The following PPTC7 variants were observed in gnomAD, a reference collection of about 807,000 sequenced individuals.
PPTC7 encodes protein phosphatase targeting COQ7.
A neutral mutation model predicts 30.8 loss-of-function variants in PPTC7; 6 were observed. The observed-to-expected ratio is 0.19, with a 90% CI of 0.11 to 0.38. PPTC7 has a LOEUF of 0.38. PPTC7 is among the 10% of genes least tolerant of loss of function. The pLI, the probability that PPTC7 is intolerant of heterozygous loss-of-function variation, is 1.00. For synonymous variants in PPTC7, 163 were observed against 168.1 expected, an observed-to-expected ratio of 0.97 and a Z score of 0.23; for missense variants, 218 against 404.8, an observed-to-expected ratio of 0.54 and a Z score of 3.96.
At chr12:110,578,604 A>G (rs1471091163) in intron 1 of PPTC7, among the ~76,000 whole-genome samples, 3 of 152,250 alleles carry the variant, frequency 2.0e-5, no homozygotes, top group Non-Finnish European at 4.4e-5. Flanking sequence ...TCTCTTTCTC[A>G]TATAAAAAGA....
intron 1 of PPTC7, among the ~76,000 whole-genome samples, chr12:110,559,875 G>T (rs1593156359): frequency 6.6e-6 from 1 of 152,036 alleles, no homozygotes; most frequent in African/African-American, 2.4e-5. Context: ...TGGGACTACA[G>T]GCATGTGCCA....
At chr12:110,574,986 C>T (rs1421955953) in intron 1 of PPTC7, among the ~76,000 whole-genome samples, 3 of 137,620 alleles carry the variant, frequency 2.2e-5, no homozygotes, top group East Asian at 2.1e-4. Context: ...GATGGGGTTT[C>T]GTCATATTGG....
Position 110,552,765 on chromosome 12 carries a change from G to A in PPTC7, c.224-797C>T, listed in dbSNP as rs2064358239. On this transcript the variant is annotated intron_variant, in intron 1 of 5. Transcript: ENST00000354300. ...TGTAGTCCCAGCTACTTGGGAGGCT[G>A]AGGGAGGAGATTGGTGTGAACCCGC... is the stretch of plus-strand genomic sequence containing the variant. Among the ~76,000 whole-genome samples, 4 of 152,170 alleles carry A rather than the reference G, an allele frequency of 2.6e-5. No homozygotes were observed. The South Asian group carries it at 8.3e-4, about 32-fold the overall frequency.
rs572416590 is a variant in PPTC7 at position 110,534,996 on chromosome 12, A to G, written c.*2041T>C. 8 of 152,784 alleles carry G rather than the reference A, an allele frequency of 5.2e-5. No individual in the cohort carries two copies. The South Asian group carries it at 1.7e-3, about 32-fold the overall frequency. 9.5% of individuals were successfully genotyped at this position (152,784 alleles called of 1,614,324 possible). A position where few individuals can be genotyped will look rare whatever the true frequency, so the allele number is the denominator to read the frequency against. ...CCAAAAATAATTGAAAACCTAAACA[A>G]AAGAGCTGAAGTTGTCAGTCCTAAT... is the stretch of plus-strand genomic sequence containing the variant. On this transcript the variant is annotated 3_prime_UTR_variant, in exon 6 of 6. Transcript: ENST00000354300.
chr12:110,571,026 T>C (rs1188562985), intron 1 of PPTC7, among the ~76,000 whole-genome samples: 1 of 152,278 alleles, frequency 6.6e-6, no homozygotes, highest in Non-Finnish European at 1.5e-5. Flanking sequence ...AACGTGGGGC[T>C]TTTCTCTAGG....
Position 110,567,663 on chromosome 12 carries a change from C to T in PPTC7, c.223+15146G>A, listed in dbSNP as rs142548160. ...CTAGCTCAGACAATTTCAGTAGCTTCGTAACTGGTCTTTTGCCTCCTGTTC... is the reference window on the plus strand; with the variant it reads ...CTAGCTCAGACAATTTCAGTAGCTTTGTAACTGGTCTTTTGCCTCCTGTTC... On this transcript the variant is annotated intron_variant, in intron 1 of 5. Coordinates refer to ENST00000354300, the MANE Select transcript of PPTC7 (RefSeq NM_139283.2). 1.4e-3 allele frequency among the ~76,000 whole-genome samples: 215 copies of T among 152,300 alleles called. 1 individual carries two copies. Among genetic ancestry groups the T allele is most frequent in the African/African-American group, 5.0e-3 (206 of 41,570 alleles).
In PPTC7 at chr12:110,575,526, A is replaced by G. The variant is rs148825865; in HGVS notation, c.223+7283T>C. On this transcript the variant is annotated intron_variant, in intron 1 of 5. Transcript: ENST00000354300. ...ACTCCATTTGGATACTGTTGCAACA[A>G]TTCAGGTTATGTATTGCCCAGTTTC... Among the ~76,000 whole-genome samples the G allele has an allele frequency of 7.7e-5, 11 of 142,530 alleles. No homozygotes were observed. The East Asian group carries it at 2.1e-3, about 27-fold the overall frequency. The allele number at this position is 142,530 out of a possible 152,430, so 93.5% of individuals were successfully genotyped here.
rs1394959601 is a variant in PPTC7, at chr12:110,537,074, G to A, written c.878C>T (p.Thr293Ile). Residue 293 changes from threonine to isoleucine, a missense_variant, in exon 6 of 6, where the codon ACC becomes ATC. Thr to Ile is a moderately conservative substitution (Grantham distance 89). Transcript: ENST00000354300. ...NVRGGKPDDI[T>I]VLLSIVAEYT... ...CTCAGCCACTATTGAAAGAAGGACG[G>A]TGATGTCATCTGGCTTTCCACCTAC... is the stretch of plus-strand genomic sequence containing the variant. 1.9e-6 allele frequency: 3 copies of A among 1,612,638 alleles called. No homozygotes were observed. The highest frequency in any genetic ancestry group is 3.3e-4 in the Middle Eastern group (2 of 6,062).
chr12:110,575,271 G>A (rs1219776869), intron 1 of PPTC7, among the ~76,000 whole-genome samples: 6 of 152,014 alleles, frequency 3.9e-5, no homozygotes, highest in African/African-American at 1.2e-4. Flanking sequence ...AGTTTGAAAA[G>A]TCAAATTTCT....
Position 110,536,469 on chromosome 12 carries a change from G to C in PPTC7, c.*568C>G, listed in dbSNP as rs1164232099. 6.6e-6 allele frequency: 1 copy of C among 152,190 alleles called. No individual in the cohort carries two copies. The highest frequency in any genetic ancestry group is 1.5e-5 in the Non-Finnish European group (1 of 68,030). The allele number at this position is 152,190 out of a possible 1,614,324, so 9.4% of individuals were successfully genotyped here. On this transcript the variant is annotated 3_prime_UTR_variant, in exon 6 of 6. Coordinates refer to ENST00000354300, the MANE Select transcript of PPTC7 (RefSeq NM_139283.2). Reference sequence around the variant, plus strand: ...CAAAAAAGCTTTTGGGATCAAAACTGTATAACCCAGAGCAATGTTTTAGAG... The same window carrying C: ...CAAAAAAGCTTTTGGGATCAAAACTCTATAACCCAGAGCAATGTTTTAGAG...
At chr12:110,558,044 T>C (rs752778641) in intron 1 of PPTC7, among the ~76,000 whole-genome samples, 22 of 152,338 alleles carry the variant, frequency 1.4e-4, no homozygotes, top group Admixed American at 7.2e-4. Flanking sequence ...CAGTGGGTAA[T>C]TGAAACCTCA....
intron 1 of PPTC7, among the ~76,000 whole-genome samples, chr12:110,561,996 G>C (rs2135782263): frequency 6.6e-6 from 1 of 152,194 alleles, no homozygotes; most frequent in South Asian, 2.1e-4. Flanking sequence ...ACTGTGAAAT[G>C]TTGTATCTGC....
intron 1 of PPTC7, among the ~76,000 whole-genome samples, chr12:110,582,237 G>GT (rs1230452038): frequency 6.6e-6 from 1 of 152,166 alleles, no homozygotes; most frequent in Non-Finnish European, 1.5e-5. Context: ...CGCTGTGAGG[G>GT]TTTTTTCGCC....
At chr12:110,558,370 T>C (rs1339072120) in intron 1 of PPTC7, among the ~76,000 whole-genome samples, 1 of 152,102 alleles carries the variant, frequency 6.6e-6, no homozygotes, top group Non-Finnish European at 1.5e-5. Context: ...GGAGGCTGAA[T>C]TAATGACTAG....
At chr12:110,579,762 C>T (rs543328372) in intron 1 of PPTC7, among the ~76,000 whole-genome samples, 1 of 152,198 alleles carries the variant, frequency 6.6e-6, no homozygotes, top group Admixed American at 6.5e-5. Context: ...CCTGTAATCC[C>T]AGCAGTTTGG....
Position 110,536,929 on chromosome 12 carries a change from TG to T in PPTC7, c.*107del. On this transcript the variant is annotated 3_prime_UTR_variant, in exon 6 of 6. Coordinates refer to ENST00000354300, the MANE Select transcript of PPTC7 (RefSeq NM_139283.2). Reference sequence around the variant, plus strand: ...AAGACAGGCAAAAGACTTACATCACTGGCCATTGAGATCAGTGGCAAAGAAA... The same window carrying T: ...AAGACAGGCAAAAGACTTACATCACTGCCATTGAGATCAGTGGCAAAGAAA... 1.3e-6 allele frequency: 1 copy of T among 786,452 alleles called. No homozygotes were observed. Among genetic ancestry groups the T allele is most frequent in the Non-Finnish European group, 2.2e-6 (1 of 450,924 alleles). The allele number at this position is 786,452 out of a possible 1,614,324, so 48.7% of individuals were successfully genotyped here. A position where few individuals can be genotyped will look rare whatever the true frequency, so the allele number is the denominator to read the frequency against.
intron 1 of PPTC7, among the ~76,000 whole-genome samples, chr12:110,572,176 C>T (rs2064542185): frequency 6.6e-6 from 1 of 152,142 alleles, no homozygotes; most frequent in Non-Finnish European, 1.5e-5. Context: ...TGCAGTGGCT[C>T]ACCTCACACC....
chr12:110,578,333 G>C lies in PPTC7; in HGVS notation c.223+4476C>G, dbSNP rs140960426. Among the ~76,000 whole-genome samples the C allele has an allele frequency of 7.9e-5, 12 of 152,274 alleles. No individual in the cohort carries two copies. The East Asian group carries it at 2.1e-3, about 27-fold the overall frequency. On this transcript the variant is annotated intron_variant, in intron 1 of 5. Transcript: ENST00000354300. The stretch of plus-strand genomic sequence containing the variant: ...AAGAGAACTCAGAATTAGCCACAGG[G>C]AAGAAGGAACAAGAAAAGTGTACAC...
rs1401137422 is a variant in PPTC7, at chr12:110,534,018, A to G, written c.*3019T>C. On this transcript the variant is annotated 3_prime_UTR_variant, in exon 6 of 6. Transcript: ENST00000354300. ...TTTTGTGATTTAGTACCCAACAACC[A>G]TGTCAAGCAAGTACAGTAACTCAGG... 1.3e-5 allele frequency: 2 copies of G among 152,080 alleles called. No individual in the cohort carries two copies. The highest frequency in any genetic ancestry group is 2.9e-5 in the Non-Finnish European group (2 of 68,016). 9.4% of individuals were successfully genotyped at this position (152,080 alleles called of 1,614,324 possible).
Sources: allele counts gnomAD v4.1 joint callset (sites outside exome capture counted in the v4.1 genomes callset), GRCh38; gene constraint gnomAD v4.1.1; transcripts MANE v1.5; gene names NCBI Gene and HGNC (gene_info 2026-07-23, HGNC 2026-07-21).